The following ZNF706 variants were observed in gnomAD, a reference collection of about 807,000 sequenced individuals.
ZNF706 encodes zinc finger protein 706.
ZNF706 carries 4 observed loss-of-function variants against 9.2 expected under a neutral mutation model. The ratio of observed to expected loss-of-function variants is 0.43; its 90% CI spans 0.21 to 0.99. ZNF706 has a LOEUF of 0.99. Ranked by LOEUF, ZNF706 falls within the 50% of genes least tolerant of loss-of-function variation. The probability of loss-of-function intolerance (pLI) is 0.26; values close to 1 mark genes in which losing one functional copy is unlikely to be tolerated. For missense variants in ZNF706, 27 were observed against 87.8 expected (o/e 0.31, Z 2.77); for synonymous variants, 28 against 27.3 (o/e 1.03, Z -0.08).
chr8:101,202,179 G>A (rs1231953176), intron 1 of ZNF706, among the ~76,000 whole-genome samples: 2 of 150,066 alleles, frequency 1.3e-5, no homozygotes, highest in South Asian at 2.1e-4. Context: ...GGTGGCTCAC[G>A]CCTGTAATCC....
rs1293346027 is a variant in ZNF706, at chr8:101,198,490, A to G, written c.*762T>C. ...ACATTTGTTCCATATTTTGCATTAA[A>G]CAATAGGCTTAATGATTATTTCATT... On this transcript the variant is annotated 3_prime_UTR_variant, in exon 4 of 4. Transcript: ENST00000311212. The G allele has an allele frequency of 6.6e-6, 1 of 152,240 alleles. No individual in the cohort carries two copies. Among genetic ancestry groups the G allele is most frequent in the African/African-American group, 2.4e-5 (1 of 41,476 alleles). 9.4% of individuals were successfully genotyped at this position (152,240 alleles called of 1,614,324 possible).
Position 101,201,486 on chromosome 8 carries a change from T to A in ZNF706, c.135+121A>T. ...GAATGAAAATAGATACCTAAAATAA[T>A]CAGCTCTCAAACCTACTATTTCATG... On this transcript the variant is annotated intron_variant, in intron 2 of 3. Coordinates refer to ENST00000311212, the MANE Select transcript of ZNF706 (RefSeq NM_016096.5). The surrounding 1 kb of genome is among the most constrained non-coding windows in gnomAD (Gnocchi z 4.5). 1.1e-6 allele frequency: 1 copy of A among 885,190 alleles called. No individual in the cohort carries two copies. The highest frequency in any genetic ancestry group is 1.7e-6 in the Non-Finnish European group (1 of 595,866). The allele number at this position is 885,190 out of a possible 1,614,324, so 54.8% of individuals were successfully genotyped here.
At chr8:101,202,842 T>C (rs1370056729) in intron 1 of ZNF706, 1 of 152,230 alleles carries the variant, frequency 6.6e-6, no homozygotes, top group Non-Finnish European at 1.5e-5. Context: ...CATTGTGACT[T>C]GCGATTGTGA....
chr8:101,200,678 C>T (rs1383484997), intron 2 of ZNF706: 1 of 153,042 alleles, frequency 6.5e-6, no homozygotes, highest in Non-Finnish European at 1.5e-5. Context: ...TTCTTCATTA[C>T]TAGTTGATTA....
At chr8:101,203,700 G>A (rs907932289) in intron 1 of ZNF706, 1 of 152,108 alleles carries the variant, frequency 6.6e-6, no homozygotes, top group African/African-American at 2.4e-5. Context: ...TTTCGTAATT[G>A]AAAATGTTTA....
At chr8:101,204,966 C>T in intron 1 of ZNF706, 1 of 984,886 alleles carries the variant, frequency 1.0e-6, no homozygotes, top group Non-Finnish European at 1.2e-6. Context: ...CTCCACCCAA[C>T]ACTTCTCCGA....
intron 2 of ZNF706, chr8:101,200,921 C>T (rs1810534413): frequency 1.9e-5 from 4 of 208,110 alleles, no homozygotes; most frequent in South Asian, 1.7e-4. Context: ...AGCTGAACTG[C>T]CTGAGTTCAG....
chr8:101,201,580 T>G lies in ZNF706; in HGVS notation c.135+27A>C. ...AAGCCAAAACTGCCCACGGGAGAGC[T>G]GTATCTTTCAATTCAATTCCCCTTA... is the stretch of plus-strand genomic sequence containing the variant. On this transcript the variant is annotated intron_variant, in intron 2 of 3. Transcript: ENST00000311212. This position sits in a 1 kb window ranked among gnomAD's most constrained non-coding sequence, Gnocchi z 4.5. 6.2e-7 allele frequency: 1 copy of G among 1,602,912 alleles called. No homozygotes were observed. The highest frequency in any genetic ancestry group is 8.5e-7 in the Non-Finnish European group (1 of 1,175,500).
At chr8:101,203,980 C>T (rs1308890167) in intron 1 of ZNF706, 2 of 152,166 alleles carry the variant, frequency 1.3e-5, no homozygotes, top group East Asian at 1.9e-4. Context: ...CAATGTTTTG[C>T]AAGGTTTTTT....
chr8:101,202,834 TTG>T (rs1563752738), intron 1 of ZNF706: 1 of 152,234 alleles, frequency 6.6e-6, no homozygotes, highest in African/African-American at 2.4e-5. Flanking sequence ...CCAGTATTCA[TTG>T]TGACTTGCGA....
chr8:101,199,840 A>C, intron 3 of ZNF706, 150 bp downstream of exon 3: 1 of 590,872 alleles, frequency 1.7e-6, no homozygotes, highest in Non-Finnish European at 2.9e-6. Context: ...ATAGTCTGAG[A>C]AAAAGGGACT....
At position 101,201,478 on chromosome 8, in the gene ZNF706, TA is replaced by T; in HGVS notation, c.135+128del. ...TAAAGGGTGAATGAAAATAGATACC[TA>T]AAATAATCAGCTCTCAAACCTACTA... On this transcript the variant is annotated intron_variant, in intron 2 of 3. Coordinates refer to ENST00000311212, the MANE Select transcript of ZNF706 (RefSeq NM_016096.5). This position sits in a 1 kb window ranked among gnomAD's most constrained non-coding sequence, Gnocchi z 4.5. 2.3e-6 allele frequency: 2 copies of T among 862,924 alleles called. No homozygotes were observed. The highest frequency in any genetic ancestry group is 3.5e-6 in the Non-Finnish European group (2 of 578,052). The allele number at this position is 862,924 out of a possible 1,614,324, so 53.5% of individuals were successfully genotyped here. A position where few individuals can be genotyped will look rare whatever the true frequency, so the allele number is the denominator to read the frequency against.
chr8:101,204,859 G>T (rs901078685), intron 1 of ZNF706: 71 of 985,514 alleles, frequency 7.2e-5, no homozygotes, highest in Non-Finnish European at 8.4e-5. Flanking sequence ...ATAACCATCG[G>T]AAAGGAAGAG....
At position 101,197,163 on chromosome 8, in the gene ZNF706, T is replaced by A. The variant is rs1760183293; in HGVS notation, c.*2089A>T. On this transcript the variant is annotated 3_prime_UTR_variant, in exon 4 of 4. Coordinates refer to ENST00000311212, the MANE Select transcript of ZNF706 (RefSeq NM_016096.5). Reference sequence around the variant, plus strand: ...GTGAAGAGAATGGAAACAAGTTTAATCTTAACCCCATTCCTTTTGGCAAGT... The same window carrying A: ...GTGAAGAGAATGGAAACAAGTTTAAACTTAACCCCATTCCTTTTGGCAAGT... The A allele has an allele frequency of 6.6e-6, 1 of 152,206 alleles. No homozygotes were observed. Among genetic ancestry groups the A allele is most frequent in the African/African-American group, 2.4e-5 (1 of 41,442 alleles). 9.4% of individuals were successfully genotyped at this position (152,206 alleles called of 1,614,324 possible).
chr8:101,197,170 C>G lies in ZNF706; in HGVS notation c.*2082G>C, dbSNP rs1384885126. Reference sequence around the variant, plus strand: ...GAATGGAAACAAGTTTAATCTTAACCCCATTCCTTTTGGCAAGTAATAGAA... The same window carrying G: ...GAATGGAAACAAGTTTAATCTTAACGCCATTCCTTTTGGCAAGTAATAGAA... On this transcript the variant is annotated 3_prime_UTR_variant, in exon 4 of 4. Coordinates refer to ENST00000311212, the MANE Select transcript of ZNF706 (RefSeq NM_016096.5). 1.3e-5 allele frequency: 2 copies of G among 152,072 alleles called. No homozygotes were observed. The highest frequency in any genetic ancestry group is 2.9e-5 in the Non-Finnish European group (2 of 67,998). 9.4% of individuals were successfully genotyped at this position (152,072 alleles called of 1,614,324 possible).
At chr8:101,200,334 A>C (rs1810512987) in intron 2 of ZNF706, 1 of 352,308 alleles carries the variant, frequency 2.8e-6, no homozygotes, top group Admixed American at 4.2e-5. Context: ...TTATCTGATT[A>C]ACAGCAAACA....
At position 101,201,785 on chromosome 8, in the gene ZNF706, T is replaced by C; in HGVS notation, c.-2-42A>G. ...AAGCATTAGAGTGGCTTATTTACTC[T>C]AATACAGAGTAATCAAAGCATAAGA... On this transcript the variant is annotated intron_variant, in intron 1 of 3. Coordinates refer to ENST00000311212, the MANE Select transcript of ZNF706 (RefSeq NM_016096.5). The surrounding 1 kb of genome is among the most constrained non-coding windows in gnomAD (Gnocchi z 4.5). 1 of 1,594,134 alleles carries C rather than the reference T, an allele frequency of 6.3e-7. No homozygotes were observed. Among genetic ancestry groups the C allele is most frequent in the Non-Finnish European group, 8.6e-7 (1 of 1,167,342 alleles).
In ZNF706 at chr8:101,201,361, T is replaced by C. The variant is rs938162667; in HGVS notation, c.135+246A>G. The C allele has an allele frequency of 6.4e-6, 3 of 467,740 alleles. No individual in the cohort carries two copies. The highest frequency in any genetic ancestry group is 1.1e-5 in the Non-Finnish European group (3 of 264,858). The allele number at this position is 467,740 out of a possible 1,614,324, so 29.0% of individuals were successfully genotyped here. Reference sequence around the variant, plus strand: ...CCCTTATGAAGACATCTTTATTTTATATGAGGAAAGCAATTTTGTTTTGTT... The same window carrying C: ...CCCTTATGAAGACATCTTTATTTTACATGAGGAAAGCAATTTTGTTTTGTT... On this transcript the variant is annotated intron_variant, in intron 2 of 3. Coordinates refer to ENST00000311212, the MANE Select transcript of ZNF706 (RefSeq NM_016096.5). This position sits in a 1 kb window ranked among gnomAD's most constrained non-coding sequence, Gnocchi z 4.5.
Position 101,201,529 on chromosome 8 carries a change from C to A in ZNF706, c.135+78G>T, listed in dbSNP as rs1810554144. 1.5e-6 allele frequency: 2 copies of A among 1,320,236 alleles called. No individual in the cohort carries two copies. The highest frequency in any genetic ancestry group is 2.1e-6 in the Non-Finnish European group (2 of 957,470). The allele number at this position is 1,320,236 out of a possible 1,614,324, so 81.8% of individuals were successfully genotyped here. On this transcript the variant is annotated intron_variant, in intron 2 of 3. Transcript: ENST00000311212. The surrounding 1 kb of genome is among the most constrained non-coding windows in gnomAD (Gnocchi z 4.5). ...ATTTCATGTAAAGCATCTATTTTGC[C>A]ATGGTTTCAAAATTTTAATCTATTC... is the stretch of plus-strand genomic sequence containing the variant.
Sources: allele counts gnomAD v4.1 joint callset (sites outside exome capture counted in the v4.1 genomes callset), GRCh38; gene constraint gnomAD v4.1.1; non-coding constraint Gnocchi (gnomAD v3.1); transcripts MANE v1.5; gene names NCBI Gene and HGNC (gene_info 2026-07-23, HGNC 2026-07-21).